The following ARFGEF3 variants were observed in gnomAD, a reference collection of about 807,000 sequenced individuals.
ARFGEF3 encodes the protein brefeldin A-inhibited guanine nucleotide-exchange protein 3.
Under a neutral mutation model 221.7 loss-of-function variants are expected in ARFGEF3, and 96 were observed. The observed-to-expected ratio is 0.43, with a 90% CI of 0.37 to 0.51. ARFGEF3 has a LOEUF of 0.51. Ranked by LOEUF, ARFGEF3 falls within the 20% of genes least tolerant of loss-of-function variation. The pLI is 0.00. For missense variants in ARFGEF3, 2,410 were observed against 2,789.9 expected (o/e 0.86, Z 3.07); for synonymous variants, 1,145 against 1,126.8 (o/e 1.02, Z -0.32).
intron 12 of ARFGEF3, among the ~76,000 whole-genome samples, chr6:138,270,998 T>C (rs779115098): frequency 2.6e-5 from 4 of 152,120 alleles, no homozygotes; most frequent in Non-Finnish European, 5.9e-5. Flanking sequence ...AATGTGGCCA[T>C]GTCTGGCATA....
chr6:138,319,593 A>G, intron 27 of ARFGEF3, 110 bp from the exon 28 acceptor site: 1 of 744,818 alleles, frequency 1.3e-6, no homozygotes, highest in Non-Finnish European at 2.2e-6. Flanking sequence ...TTTTCCCTGC[A>G]CTTTCTCAGC....
Position 138,293,282 on chromosome 6 carries a change from G to T in ARFGEF3, c.3369-711G>T, listed in dbSNP as rs117484421. 1.1e-4 allele frequency among the ~76,000 whole-genome samples: 16 copies of T among 152,320 alleles called. 1 individual carries two copies. The East Asian group carries it at 3.1e-3, about 29-fold the overall frequency. ...TTGCTCGTTGTGGCCTCATAAAACA[G>T]ATATTTGATCTTTACCATTCTTCAT... On this transcript the variant is annotated intron_variant, in intron 19 of 33. Coordinates refer to ENST00000251691, the MANE Select transcript of ARFGEF3 (RefSeq NM_020340.5).
At chr6:138,324,285 C>CT (rs1416839181) in intron 31 of ARFGEF3, 131 bp downstream of exon 31, 1 of 1,004,558 alleles carries the variant, frequency 1.0e-6, no homozygotes, top group Non-Finnish European at 1.5e-6. Context: ...TAGCTCCCAA[C>CT]TCTTGCCACT....
intron 8 of ARFGEF3, among the ~76,000 whole-genome samples, chr6:138,250,779 T>C (rs998907690): frequency 6.6e-6 from 1 of 152,304 alleles, no homozygotes; most frequent in East Asian, 1.9e-4. Flanking sequence ...GACCAGCAGA[T>C]ACTAAGCCTG....
Position 138,253,965 on chromosome 6 carries a change from C to A in ARFGEF3, c.751C>A (p.Arg251Ser). The A allele has an allele frequency of 1.3e-6, 2 of 1,591,618 alleles. No homozygotes were observed. The highest frequency in any genetic ancestry group is 1.7e-6 in the Non-Finnish European group (2 of 1,169,770). Residue 251 changes from arginine (R) to serine (S), a missense_variant, in exon 9 of 34, where the codon CGC becomes AGC. By Grantham distance (110) the Arg-to-Ser change is moderately radical. Transcript: ENST00000251691. ...SSSSSMHLHR[R>S]FTDLIWKNLC... ...CTCCTCCTCCATGCACCTGCACAGG[C>A]GCTTCACGGACCTGATCTGGTGAGC...
Position 138,296,966 on chromosome 6 carries a change from G to A in ARFGEF3, c.3648+11G>A, listed in dbSNP as rs1262536434. On this transcript the variant is annotated intron_variant, in intron 21 of 33. Transcript: ENST00000251691. ...CCACACCTGGTGGAGGTGAGCACTG[G>A]GAAGGTGGGAAGAGGCTGGAACTGC... 7.5e-6 allele frequency: 12 copies of A among 1,606,584 alleles called. No individual in the cohort carries two copies. The highest frequency in any genetic ancestry group is 1.0e-5 in the Non-Finnish European group (12 of 1,177,162).
At chr6:138,286,590 A>G (rs906722437) in intron 15 of ARFGEF3, 111 bp from the exon 16 acceptor site, 1 of 786,734 alleles carries the variant, frequency 1.3e-6, no homozygotes, top group Non-Finnish European at 2.2e-6. Context: ...TTCCTGTTGT[A>G]GAATTGCATG....
intron 2 of ARFGEF3, among the ~76,000 whole-genome samples, chr6:138,187,722 C>T (rs1238629537): frequency 2.0e-5 from 3 of 152,186 alleles, no homozygotes; most frequent in Non-Finnish European, 4.4e-5. Flanking sequence ...CATGTTTCTG[C>T]CTTCCCAGGC....
In ARFGEF3 at chr6:138,183,305, GCATTCATGCATTT is replaced by G. The variant is rs1439753788; in HGVS notation, c.137+12595_137+12607del. On this transcript the variant is annotated intron_variant, in intron 2 of 33. Coordinates refer to ENST00000251691, the MANE Select transcript of ARFGEF3 (RefSeq NM_020340.5). The stretch of plus-strand genomic sequence containing the variant: ...ACCTTTGCTGAAAATGGGGAGGGTA[GCATTCATGCATTT>G]CAGAGGTAGTAAAAATAAAGATGTA... Among the ~76,000 whole-genome samples, 6 of 152,296 alleles carry G rather than the reference GCATTCATGCATTT, an allele frequency of 3.9e-5. No homozygotes were observed. The East Asian group carries it at 1.2e-3, about 29-fold the overall frequency.
At chr6:138,247,102 T>C (rs1778498052) in intron 8 of ARFGEF3, among the ~76,000 whole-genome samples, 1 of 152,154 alleles carries the variant, frequency 6.6e-6, no homozygotes. Flanking sequence ...ATTTCTCCCA[T>C]CCCTGGACCC....
chr6:138,164,717 A>G (rs1197096723), intron 1 of ARFGEF3, among the ~76,000 whole-genome samples: 2 of 152,218 alleles, frequency 1.3e-5, no homozygotes, highest in Non-Finnish European at 2.9e-5. Flanking sequence ...GGAATTAGAC[A>G]CTGTTTCAGG....
At chr6:138,219,239 G>A (rs1034303629) in intron 4 of ARFGEF3, among the ~76,000 whole-genome samples, 3 of 152,122 alleles carry the variant, frequency 2.0e-5, no homozygotes, top group Admixed American at 1.3e-4. Flanking sequence ...TAATTATGTT[G>A]GGAGAGAGGG....
chr6:138,191,694 A>G (rs1345483785), intron 2 of ARFGEF3, among the ~76,000 whole-genome samples: 1 of 152,212 alleles, frequency 6.6e-6, no homozygotes, highest in East Asian at 1.9e-4. Context: ...GCCCAAAGGC[A>G]CTTTGAACTC....
chr6:138,205,541 A>C (rs1777610537), intron 2 of ARFGEF3, among the ~76,000 whole-genome samples: 1 of 152,166 alleles, frequency 6.6e-6, no homozygotes, highest in Admixed American at 6.5e-5. Flanking sequence ...CATTGCATAA[A>C]GGAAACAAAA....
At chr6:138,280,614 G>C (rs1366344945) in intron 14 of ARFGEF3, among the ~76,000 whole-genome samples, 1 of 152,226 alleles carries the variant, frequency 6.6e-6, no homozygotes. Flanking sequence ...ACTTTGGGAG[G>C]CTGAGGTGGG....
At chr6:138,318,316 G>A (rs1302491696) in intron 27 of ARFGEF3, among the ~76,000 whole-genome samples, 1 of 152,134 alleles carries the variant, frequency 6.6e-6, no homozygotes, top group East Asian at 1.9e-4. Flanking sequence ...TGTGTGTGAA[G>A]AGCATTTAAT....
chr6:138,269,150 C>T (rs1021959679), intron 12 of ARFGEF3, among the ~76,000 whole-genome samples: 17 of 152,228 alleles, frequency 1.1e-4, no homozygotes, highest in African/African-American at 4.8e-5. Context: ...TCGGGTGTCC[C>T]GCCAACCCTG....
Position 138,341,152 on chromosome 6 carries a change from TC to T in ARFGEF3, c.*4667del, listed in dbSNP as rs1051267861. 3.1e-4 allele frequency: 47 copies of T among 152,506 alleles called. No homozygotes were observed. Among genetic ancestry groups the T allele is most frequent in the African/African-American group, 1.0e-3 (42 of 41,460 alleles). 9.4% of individuals were successfully genotyped at this position (152,506 alleles called of 1,614,324 possible). On this transcript the variant is annotated 3_prime_UTR_variant, in exon 34 of 34. Transcript: ENST00000251691. ...GGCATGCACAATTTGTAAACCTTTT[TC>T]AAATATCATTTAATCAACTCAGAAT...
rs372233023 is a variant in ARFGEF3, at chr6:138,313,870, C to G, written c.4276C>G (p.Leu1426Val). 2 of 1,613,826 alleles carry G rather than the reference C, an allele frequency of 1.2e-6. No homozygotes were observed. Among genetic ancestry groups the G allele is most frequent in the African/African-American group, 2.7e-5 (2 of 74,920 alleles). The change falls in exon 26 of 34, where the codon CTT becomes GTT. Residue 1426 changes from leucine (L) to valine (V), a missense_variant. Around this residue, in one of 5 missense-constraint regions of ARFGEF3, gnomAD observed 723 missense variants for 991.9 expected, o/e 0.73. Transcript: ENST00000251691. ...GAGACTTGCCGGCTTGCCTCGAAGA[C>G]TTCAGGAACAGTCAGCCAGCAGTGA... ...SGRLAGLPRRLQEQSASSEDG... is the reference protein window; with the variant it reads ...SGRLAGLPRRVQEQSASSEDG...
Sources: allele counts gnomAD v4.1 joint callset (sites outside exome capture counted in the v4.1 genomes callset), GRCh38; gene constraint gnomAD v4.1.1; regional missense constraint gnomAD v4.1.1; transcripts MANE v1.5; gene names NCBI Gene and HGNC (gene_info 2026-07-23, HGNC 2026-07-21).